PKNOX1: variants seen among roughly 807,000 people sequenced by gnomAD.
PKNOX1 encodes PBX/knotted 1 homeobox 1.
A neutral mutation model predicts 51.9 loss-of-function variants in PKNOX1; 15 were observed. That is an observed-to-expected ratio of 0.29 (90% CI 0.19 to 0.45). The LOEUF (loss-of-function observed/expected upper bound fraction) is 0.45, where lower values mean the gene tolerates loss of function less well. Ranked by LOEUF, PKNOX1 falls within the 20% of genes least tolerant of loss-of-function variation. The pLI, the probability that PKNOX1 is intolerant of heterozygous loss-of-function variation, is 1.00. For missense variants in PKNOX1, 462 were observed against 547.5 expected (o/e 0.84, Z 1.56); for synonymous variants, 219 against 211.1 (o/e 1.04, Z -0.32).
intron 9 of PKNOX1, 145 bp from the exon 10 acceptor site, chr21:43,028,557 C>G (rs193038843): frequency 3.4e-5 from 25 of 727,732 alleles, no homozygotes; most frequent in Admixed American, 1.8e-4. Flanking sequence ...GTTGAGTCCT[C>G]TTAAGTAGTT....
At chr21:42,991,305 C>G (rs909780078) in intron 1 of PKNOX1, among the ~76,000 whole-genome samples, 16 of 151,200 alleles carry the variant, frequency 1.1e-4, no homozygotes, top group Admixed American at 1.1e-3. Flanking sequence ...TTGGAAACAG[C>G]CAGACCCCAT....
chr21:43,024,490 G>A (rs751305282), intron 8 of PKNOX1: 2 of 170,262 alleles, frequency 1.2e-5, no homozygotes, highest in Non-Finnish European at 2.5e-5. Flanking sequence ...CTCTTTATAT[G>A]GATGTAGTTT....
intron 5 of PKNOX1, among the ~76,000 whole-genome samples, chr21:43,016,395 G>C (rs1246602026): frequency 1.3e-5 from 2 of 152,236 alleles, no homozygotes; most frequent in Non-Finnish European, 2.9e-5. Flanking sequence ...CTTAGTCCGT[G>C]CCGGGGTCAA....
chr21:42,991,321 C>CA (rs2059086020), intron 1 of PKNOX1, among the ~76,000 whole-genome samples: 1 of 140,672 alleles, frequency 7.1e-6, no homozygotes, highest in Admixed American at 7.1e-5. Flanking sequence ...CCCATCTCTA[C>CA]AAAAAAAGAA....
intron 5 of PKNOX1, among the ~76,000 whole-genome samples, chr21:43,014,856 G>A (rs1231033425): frequency 6.6e-6 from 1 of 152,162 alleles, no homozygotes; most frequent in African/African-American, 2.4e-5. Context: ...TGGTTCCTTT[G>A]CCTGTCCACA....
intron 9 of PKNOX1, among the ~76,000 whole-genome samples, chr21:43,027,890 T>C (rs1980051089): frequency 6.6e-6 from 1 of 152,106 alleles, no homozygotes; most frequent in African/African-American, 2.4e-5. Context: ...CACTCCAGCC[T>C]GTGCGACAGG....
At chr21:43,029,226 C>G (rs576448296) in intron 10 of PKNOX1, among the ~76,000 whole-genome samples, 1 of 152,108 alleles carries the variant, frequency 6.6e-6, no homozygotes, top group African/African-American at 2.4e-5. Context: ...ACCCCGTTCT[C>G]ACCACGTGGC....
At chr21:42,987,184 C>G (rs1259710626) in intron 1 of PKNOX1, among the ~76,000 whole-genome samples, 1 of 151,578 alleles carries the variant, frequency 6.6e-6, no homozygotes, top group Non-Finnish European at 1.5e-5. Flanking sequence ...GAGTTCAAGA[C>G]CAGCCTGACC....
chr21:43,015,513 T>C (rs1369402363), intron 5 of PKNOX1, among the ~76,000 whole-genome samples: 18 of 152,242 alleles, frequency 1.2e-4, no homozygotes, highest in Admixed American at 1.2e-3. Context: ...TTTTTGTCTA[T>C]ATTTGTAAGG....
intron 1 of PKNOX1, among the ~76,000 whole-genome samples, chr21:42,987,999 G>A (rs987354203): frequency 6.6e-6 from 1 of 151,778 alleles, no homozygotes; most frequent in African/African-American, 2.4e-5. Flanking sequence ...TTTACCTTCT[G>A]GCCCTTTACA....
intron 10 of PKNOX1, 29 bp downstream of exon 10, chr21:43,028,903 G>C: frequency 6.2e-7 from 1 of 1,608,772 alleles, no homozygotes; most frequent in Non-Finnish European, 8.5e-7. Flanking sequence ...GGCCAGACAT[G>C]GTGGACCATG....
intron 10 of PKNOX1, 77 bp downstream of exon 10, chr21:43,028,951 G>C: frequency 2.8e-6 from 4 of 1,416,002 alleles, no homozygotes; most frequent in South Asian, 1.1e-5. Context: ...GATCAGGCCT[G>C]TTAGCTGTGA....
intron 1 of PKNOX1, among the ~76,000 whole-genome samples, chr21:42,996,601 A>ACTGTGTTGTGGCTGT (rs1175283898): frequency 2.0e-5 from 3 of 152,006 alleles, no homozygotes; most frequent in African/African-American, 7.3e-5. Flanking sequence ...AAAGTGGCTG[A>ACTGTGTTGTGGCTGT]CTGTGTTGTG....
intron 1 of PKNOX1, among the ~76,000 whole-genome samples, chr21:42,980,559 C>T (rs867772253): frequency 1.3e-5 from 2 of 151,942 alleles, no homozygotes; most frequent in African/African-American, 4.8e-5. Context: ...GGAGAGGGGG[C>T]GTCTTAAATT....
chr21:43,011,066 CTTTTTT>C (rs11347992), intron 4 of PKNOX1, among the ~76,000 whole-genome samples: 3 of 80,746 alleles, frequency 3.7e-5, no homozygotes, highest in Non-Finnish European at 5.0e-5. Flanking sequence ...ACAGCTCTGT[CTTTTTT>C]TTTTTTTTTT....
Position 42,996,211 on chromosome 21 carries a change from A to G in PKNOX1, c.-56-8115A>G, listed in dbSNP as rs535760968. On this transcript the variant is annotated intron_variant, in intron 1 of 10. Coordinates refer to ENST00000291547, the MANE Select transcript of PKNOX1 (RefSeq NM_004571.5). ...GACAGAGCAAGACCTTGTCTCAGAA[A>G]AGCAAGACAAAGGGCAGGCTGTTCA... is the stretch of plus-strand genomic sequence containing the variant. 6.6e-5 allele frequency among the ~76,000 whole-genome samples: 10 copies of G among 152,310 alleles called. No homozygotes were observed. In the East Asian group the frequency reaches 1.3e-3, roughly 21 times the overall value.
chr21:43,004,607 C>T (rs988968121), intron 2 of PKNOX1, among the ~76,000 whole-genome samples, 175 bp downstream of exon 2: 1 of 152,126 alleles, frequency 6.6e-6, no homozygotes, highest in Non-Finnish European at 1.5e-5. Context: ...AATACTATTT[C>T]GTTAACTGAT....
chr21:42,977,859 G>T (rs770603717), intron 1 of PKNOX1, among the ~76,000 whole-genome samples: 1 of 151,924 alleles, frequency 6.6e-6, no homozygotes, highest in Non-Finnish European at 1.5e-5. Flanking sequence ...CTTTTCTTCT[G>T]CATCTTCCTC....
intron 7 of PKNOX1, among the ~76,000 whole-genome samples, chr21:43,018,679 A>G (rs1672136): frequency 0.24 from 37,134 of 151,634 alleles, 4,876 homozygotes; most frequent in Non-Finnish European, 0.29. Flanking sequence ...CATCATGACA[A>G]TGTCATTGGG....
Sources: gnomAD v4.1 joint callset for allele counts (sites outside exome capture counted in the v4.1 genomes callset) on GRCh38, gnomAD v4.1.1 for gene constraint, MANE v1.5 for transcripts, NCBI Gene and HGNC (gene_info 2026-07-23, HGNC 2026-07-21) for gene names.